Variants in FBN1 observed in about 807,000 individuals in gnomAD.
FBN1 encodes fibrillin 1, also known as fibrillin-1.
In FBN1, 29 loss-of-function variants were observed where a neutral mutation model predicts 365.1. The ratio of observed to expected loss-of-function variants is 0.08; its 90% confidence interval spans 0.06 to 0.11. The LOEUF is 0.11. Ranked by LOEUF, FBN1 falls within the 10% of genes least tolerant of loss-of-function variation. The probability of loss-of-function intolerance (pLI) is 1.00; values close to 1 mark genes in which losing one functional copy is unlikely to be tolerated. For missense variants in FBN1, 2,476 were observed against 3,703.2 expected (o/e 0.67, Z 8.60); for synonymous variants, 1,210 against 1,270.5 (o/e 0.95, Z 1.01).
rs1177607309 is a variant in FBN1 at position 48,452,696 on chromosome 15, A to G, written c.5423-12T>C. The G allele has an allele frequency of 1.2e-6, 2 of 1,613,926 alleles. No individual in the cohort carries two copies. The highest frequency in any genetic ancestry group is 1.7e-6 in the Non-Finnish European group (2 of 1,179,976). ...ACACTCGTCAATATCTACGAGCAGA[A>G]GAGAACTGAATTTGAAGGAGAACAG... is the stretch of plus-strand genomic sequence containing the variant. On this transcript the variant is annotated splice_polypyrimidine_tract_variant and intron_variant, in intron 44 of 65. Coordinates refer to ENST00000316623, the MANE Select transcript of FBN1 (RefSeq NM_000138.5).
At chr15:48,424,994 C>A (rs542728872) in intron 60 of FBN1, among the ~76,000 whole-genome samples, 7 of 152,304 alleles carry the variant, frequency 4.6e-5, no homozygotes, top group Non-Finnish European at 1.0e-4. Flanking sequence ...CGAGGCAGGA[C>A]CTTCCTGGAA....
chr15:48,463,053 T>C (rs1181889702), intron 42 of FBN1, 29 bp downstream of exon 42: 1 of 1,608,678 alleles, frequency 6.2e-7, no homozygotes, highest in Non-Finnish European at 8.5e-7. Flanking sequence ...TCAACCTATA[T>C]TTTTGATAAT....
rs1667961214 is a variant in FBN1, at chr15:48,498,889, C to A, written c.2167+96G>T. The A allele has an allele frequency of 2.5e-6, 3 of 1,189,092 alleles. No individual in the cohort carries two copies. The African/African-American group carries it at 4.5e-5, about 18-fold the overall frequency. 73.7% of individuals were successfully genotyped at this position (1,189,092 alleles called of 1,614,324 possible). ...GTGATGGCCAGAGAGGGAGTCAGGCCAGACTAGTGTAAAGGGATCAACTGG... is the reference window on the plus strand; with the variant it reads ...GTGATGGCCAGAGAGGGAGTCAGGCAAGACTAGTGTAAAGGGATCAACTGG... On this transcript the variant is annotated intron_variant, in intron 18 of 65. Coordinates refer to ENST00000316623, the MANE Select transcript of FBN1 (RefSeq NM_000138.5).
chr15:48,515,327 T>G lies in FBN1; in HGVS notation c.1468+60A>C, dbSNP rs79450596. ...TGTTACAGCAGCAATAGAAAACCAG[T>G]AGAGTCAAGGAACAGAATTACAACA... On this transcript the variant is annotated intron_variant, in intron 12 of 65. Coordinates refer to ENST00000316623, the MANE Select transcript of FBN1 (RefSeq NM_000138.5). 18 of 1,596,666 alleles carry G rather than the reference T, an allele frequency of 1.1e-5. No homozygotes were observed. The African/African-American group carries it at 2.3e-4, about 20-fold the overall frequency.
chr15:48,600,622 T>C (rs1164784937), intron 4 of FBN1, among the ~76,000 whole-genome samples: 1 of 152,174 alleles, frequency 6.6e-6, no homozygotes, highest in Admixed American at 6.5e-5. Flanking sequence ...GAGAATCGCT[T>C]GAACCTGGGG....
At chr15:48,531,110 C>CT in intron 8 of FBN1, among the ~76,000 whole-genome samples, 1 of 150,756 alleles carries the variant, frequency 6.6e-6, no homozygotes, top group Admixed American at 6.6e-5. Flanking sequence ...GAACTCTTTC[C>CT]TTTTTTCTCA....
rs140629 is a variant in FBN1 at position 48,465,584 on chromosome 15, A to G, written c.4926T>C (p.Asp1642=). 5 of 1,614,148 alleles carry G rather than the reference A, an allele frequency of 3.1e-6. No homozygotes were observed. In the Admixed American group the frequency reaches 8.3e-5, roughly 27 times the overall value. The change falls in exon 40 of 66, where the codon GAT becomes GAC. Residue 1642 remains aspartate, a synonymous_variant. Coordinates refer to ENST00000316623, the MANE Select transcript of FBN1 (RefSeq NM_000138.5). The part of the protein sequence containing the change: ...RCPTGYYLNE[D]TRVCDDVNEC... ...ACCATTTACCATCACACACTCGTGT[A>G]TCTTCATTCAGGTAGTAGCCGGTTG...
At chr15:48,460,594 G>A (rs1385956676) in intron 42 of FBN1, among the ~76,000 whole-genome samples, 1 of 152,176 alleles carries the variant, frequency 6.6e-6, no homozygotes, top group African/African-American at 2.4e-5. Context: ...ACCTGTAGGA[G>A]TTTGGATTTC....
chr15:48,583,702 G>A (rs190878320), intron 6 of FBN1, among the ~76,000 whole-genome samples: 1 of 152,182 alleles, frequency 6.6e-6, no homozygotes, highest in East Asian at 1.9e-4. Context: ...GGAATTTTTG[G>A]TTAGCTATTG....
intron 14 of FBN1, among the ~76,000 whole-genome samples, chr15:48,509,720 C>T (rs992876911): frequency 9.2e-5 from 14 of 151,696 alleles, no homozygotes; most frequent in Admixed American, 7.2e-4. Flanking sequence ...CTAGATAATA[C>T]ACAGACTTAG....
At chr15:48,447,524 C>G (rs142009479) in intron 46 of FBN1, among the ~76,000 whole-genome samples, 602 of 152,132 alleles carry the variant, frequency 4.0e-3, no homozygotes, top group African/African-American at 0.014. Context: ...GTCTTTGCAT[C>G]TCATCACAGC....
intron 8 of FBN1, among the ~76,000 whole-genome samples, chr15:48,533,437 C>A (rs1310786340): frequency 6.6e-6 from 1 of 152,190 alleles, no homozygotes; most frequent in Non-Finnish European, 1.5e-5. Flanking sequence ...GGCCTCATTT[C>A]GGCAAAGAGC....
chr15:48,443,668 C>G (rs2043133163), intron 49 of FBN1, among the ~76,000 whole-genome samples: 1 of 152,246 alleles, frequency 6.6e-6, no homozygotes, highest in African/African-American at 2.4e-5. Context: ...TGTTTAAAGT[C>G]AGGGGTGTGA....
chr15:48,537,064 G>A (rs12595269), intron 7 of FBN1, among the ~76,000 whole-genome samples: 17,487 of 152,158 alleles, frequency 0.11, 1,181 homozygotes, highest in Non-Finnish European at 0.14. Context: ...GGGCTTCTAC[G>A]GGAGGCAGGA....
At chr15:48,618,239 T>C (rs1051572905) in intron 2 of FBN1, among the ~76,000 whole-genome samples, 1 of 152,144 alleles carries the variant, frequency 6.6e-6, no homozygotes, top group Admixed American at 6.5e-5. Context: ...TAACTTCCAC[T>C]ATAAAAAATG....
chr15:48,448,348 T>C (rs150076879), intron 46 of FBN1, among the ~76,000 whole-genome samples: 672 of 152,258 alleles, frequency 4.4e-3, no homozygotes, highest in African/African-American at 0.015. Flanking sequence ...AGAAAAATGA[T>C]TAACTTTTCT....
At chr15:48,516,665 A>C (rs561903246) in intron 10 of FBN1, among the ~76,000 whole-genome samples, 2 of 152,348 alleles carry the variant, frequency 1.3e-5, no homozygotes, top group East Asian at 3.9e-4. Flanking sequence ...TTCTCCATCC[A>C]GTCCCACCTG....
chr15:48,455,837 G>T (rs1446454413), intron 44 of FBN1, among the ~76,000 whole-genome samples: 2 of 149,392 alleles, frequency 1.3e-5, no homozygotes, highest in East Asian at 1.9e-4. Context: ...AGACAAAAAA[G>T]TTTTTTTTTT....
intron 40 of FBN1, among the ~76,000 whole-genome samples, chr15:48,464,440 C>G (rs116973374): frequency 2.6e-3 from 390 of 152,240 alleles, no homozygotes; most frequent in Non-Finnish European, 4.9e-3. Context: ...TGCTTGAACT[C>G]TACATGCAGA....
Sources: allele counts gnomAD v4.1 joint callset (sites outside exome capture counted in the v4.1 genomes callset), GRCh38; gene constraint gnomAD v4.1.1; transcripts MANE v1.5; gene names NCBI Gene and HGNC (gene_info 2026-07-23, HGNC 2026-07-21).